OTOF: variants seen among roughly 807,000 people sequenced by gnomAD.
OTOF encodes otoferlin, also known as fer-1-like family member 2.
Under a neutral mutation model 236.8 loss-of-function variants are expected in OTOF, and 218 were observed. The ratio of observed to expected loss-of-function variants is 0.92; its 90% CI spans 0.82 to 1.03. The LOEUF is 1.03. Among genes scored for constraint, OTOF ranks in the 50% least tolerant of loss-of-function variants. The pLI is 0.00. For synonymous variants in OTOF, 1,041 were observed against 1,072.5 expected (o/e 0.97, Z 0.57); for missense variants, 2,590 against 2,694.4 (o/e 0.96, Z 0.86).
At chr2:26,529,797 G>A (rs544346124) in intron 2 of OTOF, among the ~76,000 whole-genome samples, 36 of 141,540 alleles carry the variant, frequency 2.5e-4, no homozygotes, top group Middle Eastern at 3.9e-3. Flanking sequence ...AGGGGTCTGC[G>A]GGGTGGGGTG....
intron 11 of OTOF, among the ~76,000 whole-genome samples, chr2:26,488,675 G>T (rs543960424): frequency 6.6e-6 from 1 of 152,230 alleles, no homozygotes; most frequent in East Asian, 1.9e-4. Flanking sequence ...AGGCTCTGGG[G>T]ACACACAGCC....
At chr2:26,507,612 A>G (rs1666281139) in intron 5 of OTOF, among the ~76,000 whole-genome samples, 1 of 152,310 alleles carries the variant, frequency 6.6e-6, no homozygotes, top group Non-Finnish European at 1.5e-5. Flanking sequence ...CAAAAACAGG[A>G]TATGGTGAGA....
Position 26,463,535 on chromosome 2 carries a change from C to T in OTOF, c.5140G>A (p.Asp1714Asn). 1 of 1,609,000 alleles carries T rather than the reference C, an allele frequency of 6.2e-7. No homozygotes were observed. Residue 1714 changes from aspartate (D) to asparagine (N), a missense_variant, in exon 41 of 47, where the codon GAC (aspartate) becomes AAC (asparagine). Around this residue, in one of 2 missense-constraint regions of OTOF, gnomAD observed 1,211 missense variants for 1,352.8 expected, o/e 0.90. Transcript: ENST00000272371. ...AGAGGCGTCCCAGGGGCTGGCATGT[C>T]CATGGGGAACATGTCCACCCACAGC... ...LELWVDMFPM[D>N]MPAPGTPLDI... is the part of the protein sequence containing the mutation.
At chr2:26,480,568 G>T (rs1665509741) in intron 15 of OTOF, among the ~76,000 whole-genome samples, 1 of 152,250 alleles carries the variant, frequency 6.6e-6, no homozygotes, top group Non-Finnish European at 1.5e-5. Context: ...AGACCTGGCG[G>T]CCGTTGTGAG....
At chr2:26,482,078 A>G (rs551275063) in intron 14 of OTOF, among the ~76,000 whole-genome samples, 1 of 152,344 alleles carries the variant, frequency 6.6e-6, no homozygotes, top group East Asian at 1.9e-4. Context: ...ATACAAATGC[A>G]GTATATACAC....
chr2:26,461,616 C>A lies in OTOF; in HGVS notation c.5533+80G>T. The A allele has an allele frequency of 1.9e-6, 3 of 1,578,510 alleles. No homozygotes were observed. Among genetic ancestry groups the A allele is most frequent in the Non-Finnish European group, 2.6e-6 (3 of 1,158,038 alleles). On this transcript the variant is annotated intron_variant, in intron 43 of 46. Coordinates refer to ENST00000272371, the MANE Select transcript of OTOF (RefSeq NM_194248.3). This position sits in a 1 kb window ranked among gnomAD's most constrained non-coding sequence, Gnocchi z 6.2. The stretch of plus-strand genomic sequence containing the variant: ...GACCCCTTGTCCCCCCAAGGCAGGG[C>A]TCTCCCTGTCCCCGCCAACCCGGCC...
chr2:26,552,604 CTG>C lies in OTOF; in HGVS notation c.79+5887_79+5888del, dbSNP rs1667489081. ...ATACACTTCCTATCAAAGCAGAAGTCTGGGGAATTTTCTGTGTGCTCTGTCTG... is the reference window on the plus strand; with the variant it reads ...ATACACTTCCTATCAAAGCAGAAGTCGGGAATTTTCTGTGTGCTCTGTCTG... On this transcript the variant is annotated intron_variant, in intron 1 of 46. Transcript: ENST00000272371. 3.9e-5 allele frequency among the ~76,000 whole-genome samples: 6 copies of C among 152,242 alleles called. No individual in the cohort carries two copies. The South Asian group carries it at 1.2e-3, about 32-fold the overall frequency.
rs748427354 is a variant in OTOF, at chr2:26,482,568, T to A, written c.1417A>T (p.Ser473Cys). ...TGCTCATTCCACAGGGGCTCATAGC[T>A]GCTCTTCTGCACTGAAGTCTTGCCC... ...QKGKTSVQKS[S>C]YEPLWNEQVV... is the part of the protein sequence containing the mutation. Residue 473 changes from serine (S) to cysteine (C), a missense_variant, in exon 14 of 47, where the codon AGC becomes TGC. By Grantham distance (112) the Ser-to-Cys change is moderately radical (BLOSUM62 -1). Transcript: ENST00000272371. 2 of 1,613,336 alleles carry A rather than the reference T, an allele frequency of 1.2e-6. No homozygotes were observed. Among genetic ancestry groups the A allele is most frequent in the East Asian group, 2.2e-5 (1 of 44,886 alleles).
chr2:26,524,892 C>T (rs2148109888), intron 3 of OTOF, among the ~76,000 whole-genome samples: 1 of 152,354 alleles, frequency 6.6e-6, no homozygotes, highest in African/African-American at 2.4e-5. Flanking sequence ...TGTAAAGCTC[C>T]TGGATGCTTT....
chr2:26,516,128 G>GA (rs1666516851), intron 5 of OTOF, among the ~76,000 whole-genome samples: 1 of 152,224 alleles, frequency 6.6e-6, no homozygotes. Context: ...AAAGGCAGGA[G>GA]ATCTAGCCCC....
At chr2:26,527,032 G>C in intron 3 of OTOF, among the ~76,000 whole-genome samples, 1 of 152,180 alleles carries the variant, frequency 6.6e-6, no homozygotes, top group Non-Finnish European at 1.5e-5. Context: ...GTTCCAGCGT[G>C]TTCAAATCCT....
chr2:26,465,739 T>C lies in OTOF; in HGVS notation c.4732A>G (p.Ile1578Val). The C allele has an allele frequency of 6.2e-7, 1 of 1,614,256 alleles. No homozygotes were observed. The highest frequency in any genetic ancestry group is 8.5e-7 in the Non-Finnish European group (1 of 1,180,042). Reference protein sequence around the residue: ...GTDDLIGETKIDLENRFYSKH... With the variant: ...GTDDLIGETKVDLENRFYSKH... ...CTGTAGAAGCGGTTCTCCAGGTCGATCTTGGTTTCCCCAATGAGGTCATCA... is the reference window on the plus strand; with the variant it reads ...CTGTAGAAGCGGTTCTCCAGGTCGACCTTGGTTTCCCCAATGAGGTCATCA... Residue 1578 changes from isoleucine (I) to valine (V), a missense_variant, in exon 38 of 47, where the codon ATC becomes GTC. Physicochemically the swap from Ile to Val is conservative, Grantham distance 29. This residue lies in a region of OTOF where 1,211 missense variants were observed against 1,352.8 expected (regional missense o/e 0.90). Transcript: ENST00000272371.
In OTOF at chr2:26,462,641, C is replaced by T. The variant is rs972151987; in HGVS notation, c.5193-460G>A. ...TCTCCTGGGATTGCAGACAGGGCTGCGAGCCCAGAGTGGCCCAGTGAGTTG... is the reference window on the plus strand; with the variant it reads ...TCTCCTGGGATTGCAGACAGGGCTGTGAGCCCAGAGTGGCCCAGTGAGTTG... On this transcript the variant is annotated intron_variant, in intron 41 of 46. Coordinates refer to ENST00000272371, the MANE Select transcript of OTOF (RefSeq NM_194248.3). This position sits in a 1 kb window ranked among gnomAD's most constrained non-coding sequence, Gnocchi z 4.7. 1.3e-5 allele frequency among the ~76,000 whole-genome samples: 2 copies of T among 152,200 alleles called. No homozygotes were observed. The highest frequency in any genetic ancestry group is 3.2e-3 in the Middle Eastern group (1 of 316).
intron 1 of OTOF, among the ~76,000 whole-genome samples, chr2:26,555,611 A>G (rs1185942976): frequency 6.6e-6 from 1 of 151,918 alleles, no homozygotes; most frequent in Non-Finnish European, 1.5e-5. Context: ...AGATGAGAAC[A>G]GGAGTCTCGG....
rs568447728 is a variant in OTOF at position 26,477,117 on chromosome 2, G to T, written c.2523+55C>A. The T allele has an allele frequency of 2.5e-6, 4 of 1,579,600 alleles. No individual in the cohort carries two copies. Among genetic ancestry groups the T allele is most frequent in the Admixed American group, 3.4e-5 (2 of 58,810 alleles). On this transcript the variant is annotated intron_variant, in intron 21 of 46. Transcript: ENST00000272371. This position sits in a 1 kb window ranked among gnomAD's most constrained non-coding sequence, Gnocchi z 4.7. ...CCTGATTGAGCCCCCTGATCCTGAGGGGCCCCAGAGAGCCAGCCCTGGATG... is the reference window on the plus strand; with the variant it reads ...CCTGATTGAGCCCCCTGATCCTGAGTGGCCCCAGAGAGCCAGCCCTGGATG...
intron 1 of OTOF, among the ~76,000 whole-genome samples, chr2:26,539,937 C>A (rs1667170619): frequency 6.6e-6 from 1 of 152,026 alleles, no homozygotes; most frequent in South Asian, 2.1e-4. Flanking sequence ...GACAAACACC[C>A]TTTTTGTTTG....
chr2:26,497,817 T>C (rs1346199861), intron 8 of OTOF, among the ~76,000 whole-genome samples: 1 of 152,166 alleles, frequency 6.6e-6, no homozygotes, highest in Non-Finnish European at 1.5e-5. Context: ...AAAAAGGAAA[T>C]AGGACTAACT....
chr2:26,500,591 T>G (rs887518879), intron 8 of OTOF, among the ~76,000 whole-genome samples: 2 of 152,182 alleles, frequency 1.3e-5, no homozygotes, highest in Non-Finnish European at 2.9e-5. Context: ...TCCAATGGCT[T>G]GAAGTTATTT....
intron 11 of OTOF, among the ~76,000 whole-genome samples, chr2:26,488,633 A>G (rs1222401489): frequency 6.6e-6 from 1 of 152,234 alleles, no homozygotes; most frequent in Non-Finnish European, 1.5e-5. Flanking sequence ...GACCAGCATC[A>G]CCGCTTTCAG....
Sources: allele counts gnomAD v4.1 joint callset (sites outside exome capture counted in the v4.1 genomes callset), GRCh38; gene constraint gnomAD v4.1.1; regional missense constraint gnomAD v4.1.1; non-coding constraint Gnocchi (gnomAD v3.1); transcripts MANE v1.5; gene names NCBI Gene and HGNC (gene_info 2026-07-23, HGNC 2026-07-21).